The following SLC22A23 variants were observed in gnomAD, a reference collection of about 807,000 sequenced individuals.
The protein encoded by SLC22A23 is ion transporter protein.
Under a neutral mutation model 61.0 loss-of-function variants are expected in SLC22A23, and 26 were observed. The ratio of observed to expected loss-of-function variants is 0.43; its 90% CI spans 0.31 to 0.59. The LOEUF is 0.59. Among genes scored for constraint, SLC22A23 ranks in the 20% least tolerant of loss-of-function variants. The pLI is 0.11. For synonymous variants in SLC22A23, 430 were observed against 413.9 expected (o/e 1.04, Z -0.47); for missense variants, 796 against 934.7 (o/e 0.85, Z 1.94).
At chr6:3,381,472 G>A (rs930581357) in intron 3 of SLC22A23, among the ~76,000 whole-genome samples, 1 of 152,142 alleles carries the variant, frequency 6.6e-6, no homozygotes, top group Non-Finnish European at 1.5e-5. Flanking sequence ...GTGGTGAGGC[G>A]TTTCAGGACC....
At chr6:3,375,653 GTGTATATC>G (rs1766515888) in intron 3 of SLC22A23, among the ~76,000 whole-genome samples, 1 of 152,206 alleles carries the variant, frequency 6.6e-6, no homozygotes, top group Non-Finnish European at 1.5e-5. Context: ...AGCCTCTAAT[GTGTATATC>G]TGTGTTGAAT....
chr6:3,293,531 T>G (rs1760807913), intron 5 of SLC22A23, among the ~76,000 whole-genome samples: 1 of 152,226 alleles, frequency 6.6e-6, no homozygotes, highest in African/African-American at 2.4e-5. Flanking sequence ...CAGCACAATC[T>G]TCAATGTCTA....
chr6:3,410,455 A>G lies in SLC22A23; in HGVS notation c.759-113T>C, dbSNP rs1769145757. 2.2e-5 allele frequency: 26 copies of G among 1,171,538 alleles called. No homozygotes were observed. Among genetic ancestry groups the G allele is most frequent in the Admixed American group, 5.8e-5 (2 of 34,432 alleles). 72.6% of individuals were successfully genotyped at this position (1,171,538 alleles called of 1,614,324 possible). On this transcript the variant is annotated intron_variant, in intron 2 of 9. Coordinates refer to ENST00000406686, the MANE Select transcript of SLC22A23 (RefSeq NM_015482.2). The surrounding 1 kb of genome is among the most constrained non-coding windows in gnomAD (Gnocchi z 5.0). ...AATATATGTTGAATGAGTACTGGGT[A>G]AAAAGTCCTGTGCCATCTATACCCA...
Position 3,283,840 on chromosome 6 carries a change from C to G in SLC22A23, c.1703+12G>C. On this transcript the variant is annotated intron_variant, in intron 9 of 9. Coordinates refer to ENST00000406686, the MANE Select transcript of SLC22A23 (RefSeq NM_015482.2). Reference sequence around the variant, plus strand: ...GAAGCCGGCGTCCCCTGGGGTGTCTCCCATGACGCACCTTATCACCGTCGG... The same window carrying G: ...GAAGCCGGCGTCCCCTGGGGTGTCTGCCATGACGCACCTTATCACCGTCGG... 1 of 1,613,496 alleles carries G rather than the reference C, an allele frequency of 6.2e-7. No homozygotes were observed. The highest frequency in any genetic ancestry group is 8.5e-7 in the Non-Finnish European group (1 of 1,179,758).
At position 3,273,254 on chromosome 6, in the gene SLC22A23, C is replaced by T; in HGVS notation, c.1862G>A (p.Ser621Asn). Reference protein sequence around the residue: ...CIICILLLPESRDQNLPENIS... With the variant: ...CIICILLLPENRDQNLPENIS... ...GTTCTCAGGCAGGTTCTGGTCCCTG[C>T]TCTCGGGCAGCAGGAGGATGCAGAT... Residue 621 changes from serine (S) to asparagine (N), a missense_variant, in exon 10 of 10, where the codon AGC (serine) becomes AAC (asparagine). Ser to Asn is a conservative substitution (Grantham distance 46, BLOSUM62 1). Transcript: ENST00000406686. The T allele has an allele frequency of 6.2e-7, 1 of 1,613,182 alleles. No homozygotes were observed. Among genetic ancestry groups the T allele is most frequent in the South Asian group, 1.1e-5 (1 of 91,038 alleles).
rs1386197024 is a variant in SLC22A23, at chr6:3,427,770, C to T, written c.655-11915G>A. On this transcript the variant is annotated intron_variant, in intron 1 of 9. Coordinates refer to ENST00000406686, the MANE Select transcript of SLC22A23 (RefSeq NM_015482.2). The surrounding 1 kb of genome is among the most constrained non-coding windows in gnomAD (Gnocchi z 4.3). ...GGATGGTTCTCAAAAGCTGACAACA[C>T]GATTACACCCAAGAGTGTGTTTTTA... is the stretch of plus-strand genomic sequence containing the variant. Among the ~76,000 whole-genome samples, 1 of 152,212 alleles carries T rather than the reference C, an allele frequency of 6.6e-6. No homozygotes were observed. Among genetic ancestry groups the T allele is most frequent in the Admixed American group, 6.5e-5 (1 of 15,284 alleles).
chr6:3,429,395 C>A (rs1055744615), intron 1 of SLC22A23, among the ~76,000 whole-genome samples: 2 of 152,230 alleles, frequency 1.3e-5, no homozygotes, highest in African/African-American at 4.8e-5. Flanking sequence ...AAGCAGTCAA[C>A]TGTGTAAAAT....
chr6:3,430,463 C>G (rs750116225), intron 1 of SLC22A23, among the ~76,000 whole-genome samples: 53 of 152,202 alleles, frequency 3.5e-4, no homozygotes, highest in Non-Finnish European at 6.3e-4. Context: ...GTGCCACCAC[C>G]CAGTCCCCAG....
chr6:3,349,138 C>T (rs1245437461), intron 3 of SLC22A23, among the ~76,000 whole-genome samples: 1 of 152,210 alleles, frequency 6.6e-6, no homozygotes, highest in Admixed American at 6.5e-5. Flanking sequence ...GGGGTGCTTC[C>T]CACTGGGGCC....
rs1181023881 is a variant in SLC22A23 at position 3,286,834 on chromosome 6, C to G, written c.1546+25G>C. 6.4e-7 allele frequency: 1 copy of G among 1,559,348 alleles called. No homozygotes were observed. The highest frequency in any genetic ancestry group is 1.4e-5 in the African/African-American group (1 of 73,430). ...ATCTGCCAGCTTCCCTCCCTGCACC[C>G]AGCCCACCTCCCCGACCCACTCACG... On this transcript the variant is annotated intron_variant, in intron 7 of 9. Coordinates refer to ENST00000406686, the MANE Select transcript of SLC22A23 (RefSeq NM_015482.2). This position sits in a 1 kb window ranked among gnomAD's most constrained non-coding sequence, Gnocchi z 4.2.
chr6:3,356,191 A>ATAGT (rs34036269), intron 3 of SLC22A23, among the ~76,000 whole-genome samples: 102,340 of 133,304 alleles, frequency 0.77, 39,688 homozygotes, highest in East Asian at 0.86. Context: ...GAAACATCTC[A>ATAGT]TAATCACGAA....
chr6:3,359,018 T>A (rs1765280664), intron 3 of SLC22A23, among the ~76,000 whole-genome samples: 6 of 152,128 alleles, frequency 3.9e-5, no homozygotes, highest in Admixed American at 3.3e-4. Flanking sequence ...TCTAATCAAG[T>A]CTCAGTCATT....
intron 3 of SLC22A23, among the ~76,000 whole-genome samples, chr6:3,337,417 A>ACAAGCTCTG (rs946152087): frequency 1.3e-5 from 2 of 151,062 alleles, no homozygotes; most frequent in African/African-American, 4.9e-5. Context: ...CATCTGCACA[A>ACAAGCTCTG]CAAGCTCTGT....
rs148631971 is a variant in SLC22A23, at chr6:3,307,898, C to G, written c.1083-9680G>C. On this transcript the variant is annotated intron_variant, in intron 4 of 9. Coordinates refer to ENST00000406686, the MANE Select transcript of SLC22A23 (RefSeq NM_015482.2). ...TTTGTACAATGGAATATGATTTGGC[C>G]TTCAACAGAAGGGATCTGACACCTG... is the stretch of plus-strand genomic sequence containing the variant. 2.2e-4 allele frequency among the ~76,000 whole-genome samples: 33 copies of G among 152,282 alleles called. No individual in the cohort carries two copies. In the East Asian group the frequency reaches 5.4e-3, roughly 25 times the overall value.
chr6:3,384,985 G>C (rs1767196065), intron 3 of SLC22A23, among the ~76,000 whole-genome samples: 3 of 152,230 alleles, frequency 2.0e-5, no homozygotes, highest in Non-Finnish European at 4.4e-5. Context: ...GCCAGTCACA[G>C]AAAAACAAAT....
At chr6:3,347,262 C>T (rs1047566927) in intron 3 of SLC22A23, among the ~76,000 whole-genome samples, 9 of 133,450 alleles carry the variant, frequency 6.7e-5, no homozygotes, top group African/African-American at 3.0e-4. Context: ...CTTACACGCA[C>T]ATGCATCTGT....
intron 9 of SLC22A23, chr6:3,283,428 A>C: frequency 3.7e-6 from 1 of 267,172 alleles, no homozygotes; most frequent in African/African-American, 2.2e-5. Flanking sequence ...GTGAAACTCC[A>C]TCTCGGGGAG....
intron 3 of SLC22A23, among the ~76,000 whole-genome samples, chr6:3,371,413 C>A (rs1243516874): frequency 6.6e-6 from 1 of 152,194 alleles, no homozygotes; most frequent in Non-Finnish European, 1.5e-5. Context: ...TTTCATGTGT[C>A]ACAAAACATT....
rs1045312343 is a variant in SLC22A23 at position 3,309,248 on chromosome 6, G to T, written c.1083-11030C>A. ...CCCGGGAGGTTTGCAGTGGACCAAGGTCGTGCCGCTGCACTCTAGCCTGGG... is the reference window on the plus strand; with the variant it reads ...CCCGGGAGGTTTGCAGTGGACCAAGTTCGTGCCGCTGCACTCTAGCCTGGG... On this transcript the variant is annotated intron_variant, in intron 4 of 9. Coordinates refer to ENST00000406686, the MANE Select transcript of SLC22A23 (RefSeq NM_015482.2). This position sits in a 1 kb window ranked among gnomAD's most constrained non-coding sequence, Gnocchi z 4.7. Among the ~76,000 whole-genome samples the T allele has an allele frequency of 6.7e-6, 1 of 150,134 alleles. No individual in the cohort carries two copies.
Sources: gnomAD v4.1 joint callset for allele counts (sites outside exome capture counted in the v4.1 genomes callset) on GRCh38, gnomAD v4.1.1 for gene constraint, Gnocchi (gnomAD v3.1) non-coding constraint, MANE v1.5 for transcripts, NCBI Gene and HGNC (gene_info 2026-07-23, HGNC 2026-07-21) for gene names.